ZRANB3: variants seen among roughly 807,000 people sequenced by gnomAD.
ZRANB3 encodes the protein DNA annealing helicase and endonuclease ZRANB3.
Under a neutral mutation model 133.8 loss-of-function variants are expected in ZRANB3, and 125 were observed. The ratio of observed to expected loss-of-function variants is 0.93; its 90% CI spans 0.81 to 1.08. The LOEUF is 1.08. ZRANB3 is among the 50% of genes least tolerant of loss of function. The probability of loss-of-function intolerance (pLI) is 0.00; values close to 1 mark genes in which losing one functional copy is unlikely to be tolerated. For synonymous variants in ZRANB3, 387 were observed against 432.7 expected (o/e 0.89, Z 1.31); for missense variants, 1,229 against 1,275.5 (o/e 0.96, Z 0.56).
At chr2:135,397,005 T>C (rs1687522098) in intron 2 of ZRANB3, among the ~76,000 whole-genome samples, 1 of 152,220 alleles carries the variant, frequency 6.6e-6, no homozygotes, top group Non-Finnish European at 1.5e-5. Flanking sequence ...TCCACGCCTG[T>C]AGTCTCAGCT....
intron 3 of ZRANB3, among the ~76,000 whole-genome samples, chr2:135,380,339 C>T (rs533368086): frequency 1.3e-5 from 2 of 152,312 alleles, no homozygotes; most frequent in East Asian, 3.9e-4. Context: ...GAACTCTCCA[C>T]CCCAAATCAA....
At chr2:135,318,832 T>A (rs1190192411) in intron 6 of ZRANB3, among the ~76,000 whole-genome samples, 1 of 152,194 alleles carries the variant, frequency 6.6e-6, no homozygotes, top group East Asian at 1.9e-4. Context: ...TTCATAGCAT[T>A]GGTCTCCAAA....
rs550151796 is a variant in ZRANB3, at chr2:135,425,853, T to C, written c.162-35033A>G. 1.8e-3 allele frequency among the ~76,000 whole-genome samples: 271 copies of C among 150,416 alleles called. 1 individual carries two copies. The highest frequency in any genetic ancestry group is 6.9e-3 in the Middle Eastern group (2 of 290). ...AGAAATAACCAAAGTCAGAGCTGAATTGAAGGAAATTGAGATACGAAAAAA... is the reference window on the plus strand; with the variant it reads ...AGAAATAACCAAAGTCAGAGCTGAACTGAAGGAAATTGAGATACGAAAAAA... On this transcript the variant is annotated intron_variant, in intron 2 of 20. Transcript: ENST00000264159.
rs191291617 is a variant in ZRANB3, at chr2:135,487,637, G to A, written c.161+16692C>T. ...TGCACATTTATGTTATGACGATGGC[G>A]TTTTTCCTTAATCCTCATGAACCAA... On this transcript the variant is annotated intron_variant, in intron 2 of 20. Coordinates refer to ENST00000264159, the MANE Select transcript of ZRANB3 (RefSeq NM_032143.4). Among the ~76,000 whole-genome samples, 42 of 152,220 alleles carry A rather than the reference G, an allele frequency of 2.8e-4. 1 individual carries two copies. Among genetic ancestry groups the A allele is most frequent in the South Asian group, 1.2e-3 (6 of 4,832 alleles).
intron 1 of ZRANB3, among the ~76,000 whole-genome samples, chr2:135,521,976 T>C (rs890408254): frequency 6.6e-6 from 1 of 151,930 alleles, no homozygotes; most frequent in African/African-American, 2.4e-5. Context: ...AGGAGAAAAG[T>C]CTCCTTACTG....
chr2:135,456,720 G>T (rs955198970), intron 2 of ZRANB3, among the ~76,000 whole-genome samples: 2 of 152,054 alleles, frequency 1.3e-5, no homozygotes, highest in African/African-American at 4.8e-5. Context: ...CTAGATGCCT[G>T]CCCAAAGAAT....
chr2:135,459,721 C>T (rs576649024), intron 2 of ZRANB3, among the ~76,000 whole-genome samples: 16 of 152,222 alleles, frequency 1.1e-4, no homozygotes, highest in African/African-American at 3.9e-4. Flanking sequence ...AATCTTCTAA[C>T]AACATAGTTA....
chr2:135,492,177 C>G (rs1427215316), intron 2 of ZRANB3, among the ~76,000 whole-genome samples: 1 of 151,994 alleles, frequency 6.6e-6, no homozygotes, highest in Admixed American at 6.6e-5. Flanking sequence ...ATAACAAATA[C>G]TATGATAATT....
chr2:135,417,170 G>C (rs1323628763), intron 2 of ZRANB3, among the ~76,000 whole-genome samples: 1 of 152,128 alleles, frequency 6.6e-6, no homozygotes, highest in Non-Finnish European at 1.5e-5. Context: ...AGAGTGAACA[G>C]GCAACCTACA....
At chr2:135,514,401 C>A (rs1028429732) in intron 1 of ZRANB3, among the ~76,000 whole-genome samples, 2 of 152,126 alleles carry the variant, frequency 1.3e-5, no homozygotes, top group African/African-American at 4.8e-5. Flanking sequence ...CTCTTTGTAG[C>A]AATTGTTAAT....
rs746465834 is a variant in ZRANB3 at position 135,208,980 on chromosome 2, TA to T, written c.2496-3del. 5 of 1,612,310 alleles carry T rather than the reference TA, an allele frequency of 3.1e-6. No homozygotes were observed. The South Asian group carries it at 5.5e-5, about 18-fold the overall frequency. On this transcript the variant is annotated splice_region_variant and splice_polypyrimidine_tract_variant and intron_variant, in intron 17 of 20. Coordinates refer to ENST00000264159, the MANE Select transcript of ZRANB3 (RefSeq NM_032143.4). Reference sequence around the variant, plus strand: ...GCAACATCTTCTTTGGTTATGTATCTAAAACAATGATATGTTAAATAGATTC... The same window carrying T: ...GCAACATCTTCTTTGGTTATGTATCTAAACAATGATATGTTAAATAGATTC...
At chr2:135,462,332 A>G (rs1690798338) in intron 2 of ZRANB3, among the ~76,000 whole-genome samples, 1 of 152,132 alleles carries the variant, frequency 6.6e-6, no homozygotes, top group Non-Finnish European at 1.5e-5. Flanking sequence ...GCTTCTTCCC[A>G]GGGGCTGCAT....
At chr2:135,242,005 C>T (rs968064408) in intron 12 of ZRANB3, among the ~76,000 whole-genome samples, 2 of 152,028 alleles carry the variant, frequency 1.3e-5, no homozygotes, top group African/African-American at 4.8e-5. Flanking sequence ...CGTGGTCAAA[C>T]CCCAGCTCTA....
intron 8 of ZRANB3, among the ~76,000 whole-genome samples, chr2:135,295,167 G>C (rs189264871): frequency 6.6e-6 from 1 of 152,302 alleles, no homozygotes; most frequent in African/African-American, 2.4e-5. Flanking sequence ...GTCTAATGTT[G>C]ATAGTGGGGT....
At chr2:135,278,862 A>G (rs1260565217) in intron 8 of ZRANB3, among the ~76,000 whole-genome samples, 4 of 152,172 alleles carry the variant, frequency 2.6e-5, no homozygotes, top group Non-Finnish European at 5.9e-5. Context: ...AAAATTGGTA[A>G]TAAGTTCCTA....
intron 12 of ZRANB3, among the ~76,000 whole-genome samples, chr2:135,246,398 T>C (rs548751595): frequency 4.7e-4 from 71 of 152,334 alleles, no homozygotes; most frequent in African/African-American, 1.6e-3. Flanking sequence ...TCATAAAGTG[T>C]TCTCTTTTAG....
intron 2 of ZRANB3, among the ~76,000 whole-genome samples, chr2:135,411,494 T>C (rs989040511): frequency 2.6e-5 from 4 of 152,068 alleles, no homozygotes; most frequent in South Asian, 2.1e-4. Flanking sequence ...CTATCTACAA[T>C]AGCAAAGTCA....
chr2:135,264,264 A>T (rs1680111009), intron 12 of ZRANB3, among the ~76,000 whole-genome samples: 1 of 151,542 alleles, frequency 6.6e-6, no homozygotes, highest in African/African-American at 2.4e-5. Context: ...CAAGGTCAGG[A>T]GTTCGAGACC....
chr2:135,438,658 C>T (rs574457527), intron 2 of ZRANB3, among the ~76,000 whole-genome samples: 1 of 152,266 alleles, frequency 6.6e-6, no homozygotes, highest in Non-Finnish European at 1.5e-5. Flanking sequence ...CTGAAGACAA[C>T]CTTGATAATC....
Sources: gnomAD v4.1 joint callset for allele counts (sites outside exome capture counted in the v4.1 genomes callset) on GRCh38, gnomAD v4.1.1 for gene constraint, MANE v1.5 for transcripts, NCBI Gene and HGNC (gene_info 2026-07-23, HGNC 2026-07-21) for gene names.